TLE1: variants seen among roughly 807,000 people sequenced by gnomAD.
TLE1 encodes the protein TLE family member 1, transcriptional corepressor, also known as transducin-like enhancer protein 1.
Under a neutral mutation model 89.8 loss-of-function variants are expected in TLE1, and 21 were observed. The observed-to-expected ratio is 0.23, with a 90% CI of 0.17 to 0.34. TLE1 has a LOEUF of 0.34. Ranked by LOEUF, TLE1 falls within the 10% of genes least tolerant of loss-of-function variation. The probability of loss-of-function intolerance (pLI) is 1.00; values close to 1 mark genes in which losing one functional copy is unlikely to be tolerated. For missense variants in TLE1, 795 were observed against 1,031.2 expected (o/e 0.77, Z 3.14); for synonymous variants, 447 against 407.6 (o/e 1.10, Z -1.16).
intron 14 of TLE1, among the ~76,000 whole-genome samples, chr9:81,604,826 G>T (rs113585918): frequency 4.3e-4 from 65 of 152,200 alleles, no homozygotes; most frequent in African/African-American, 1.5e-3. Flanking sequence ...TGCCTCCCCG[G>T]TTCCATGGGA....
At chr9:81,600,141 G>C (rs1830723173) in intron 14 of TLE1, 3 of 727,382 alleles carry the variant, frequency 4.1e-6, no homozygotes, top group Non-Finnish European at 7.7e-6. Flanking sequence ...GATACAAATG[G>C]AGAAATTCTT....
In TLE1 at chr9:81,616,134, C is replaced by G; in HGVS notation, c.766G>C (p.Asp256His). Residue 256 changes from aspartate (D) to histidine (H), a missense_variant and splice_region_variant, in exon 11 of 20, where the codon GAC (aspartate) becomes CAC (histidine). Physicochemically the swap from Asp to His is moderately conservative, Grantham distance 81. This residue lies in a region of TLE1 where 468 missense variants were observed against 509.1 expected (regional missense o/e 0.92). Transcript: ENST00000376499. ...DNLVVDVSNE[D>H]PSSPRASPAH... ...GGGCTTGCTCGCGGAGAAGAAGGGT[C>G]CTCAACAAGCATAATCAAAAGTTTT... is the stretch of plus-strand genomic sequence containing the variant. 6.2e-7 allele frequency: 1 copy of G among 1,603,438 alleles called. No individual in the cohort carries two copies. The highest frequency in any genetic ancestry group is 8.5e-7 in the Non-Finnish European group (1 of 1,177,306).
In TLE1 at chr9:81,634,188, G is replaced by A. The variant is rs749721296; in HGVS notation, c.486C>T (p.Ala162=). ...GAGCACTAGACAGCGCAAGAAGGCC[G>A]GCACTGCCCCCGAGGGGCGGGATTC... ...PPGIPPLGGS[A]GLLALSSALS... is the part of the protein sequence containing the mutation. Residue 162 remains alanine, a synonymous_variant, in exon 7 of 20, where the codon GCC becomes GCT. Coordinates refer to ENST00000376499, the MANE Select transcript of TLE1 (RefSeq NM_005077.5). The A allele has an allele frequency of 1.0e-4, 161 of 1,593,856 alleles. No homozygotes were observed. The highest frequency in any genetic ancestry group is 2.5e-4 in the East Asian group (11 of 44,396).
At chr9:81,612,335 T>C (rs1823826198) in intron 12 of TLE1, 2 of 1,013,032 alleles carry the variant, frequency 2.0e-6, no homozygotes, top group African/African-American at 1.7e-5. Context: ...AAATCCAAGA[T>C]TTCTCTTTCA....
intron 4 of TLE1, 98 bp from the exon 5 acceptor site, chr9:81,654,134 G>A: frequency 9.1e-7 from 1 of 1,094,308 alleles, no homozygotes; most frequent in Non-Finnish European, 1.4e-6. Context: ...CCTCTCCCTT[G>A]CTCTGGAAAT....
intron 4 of TLE1, among the ~76,000 whole-genome samples, chr9:81,677,564 CAAAAA>C (rs60091510): frequency 3.5e-5 from 3 of 85,598 alleles, no homozygotes; most frequent in African/African-American, 1.5e-4. Flanking sequence ...GACTCCATCT[CAAAAA>C]AAAAAAAAAA....
rs772868976 is a variant in TLE1, at chr9:81,634,292, A to G, written c.382T>C (p.Leu128=). Reference sequence around the variant, plus strand: ...CCATGAGAAAGATGCTGAGCTTGCAACTGCTGCTGCTGTTGGTGGTGGTGG... The same window carrying G: ...CCATGAGAAAGATGCTGAGCTTGCAGCTGCTGCTGCTGTTGGTGGTGGTGG... ...ELNAIIGQQQ[L]QAQHLSHGHG... The change falls in exon 7 of 20, where the codon TTG becomes CTG. Residue 128 remains leucine, a synonymous_variant. Transcript: ENST00000376499. 5 of 1,528,898 alleles carry G rather than the reference A, an allele frequency of 3.3e-6. No individual in the cohort carries two copies. The highest frequency in any genetic ancestry group is 2.5e-5 in the South Asian group (2 of 80,968). The allele number at this position is 1,528,898 out of a possible 1,614,324, so 94.7% of individuals were successfully genotyped here.
At chr9:81,591,559 C>T (rs184163738) in intron 15 of TLE1, among the ~76,000 whole-genome samples, 85 of 152,236 alleles carry the variant, frequency 5.6e-4, no homozygotes, top group Non-Finnish European at 1.5e-4. Flanking sequence ...GGCCAAAGAA[C>T]CTGATAAAAG....
chr9:81,684,416 C>G (rs1160678729), intron 4 of TLE1, among the ~76,000 whole-genome samples: 1 of 152,182 alleles, frequency 6.6e-6, no homozygotes, highest in African/African-American at 2.4e-5. Flanking sequence ...AAATCACAAT[C>G]TCTTTCCAAA....
intron 4 of TLE1, among the ~76,000 whole-genome samples, chr9:81,681,917 C>G (rs1230935517): frequency 6.6e-6 from 1 of 152,078 alleles, no homozygotes; most frequent in Non-Finnish European, 1.5e-5. Context: ...CATGGTCCAC[C>G]TCATCTTCCT....
Position 81,605,563 on chromosome 9 carries a change from CATACGT to C in TLE1, c.1331+4651_1331+4656del, listed in dbSNP as rs1311683603. On this transcript the variant is annotated intron_variant, in intron 14 of 19. Transcript: ENST00000376499. ...ATACTAATTAATAGATATGGGCAGT[CATACGT>C]AGAAAGCTGAAACTGAATCCCTTCC... 2.0e-5 allele frequency among the ~76,000 whole-genome samples: 3 copies of C among 152,230 alleles called. No individual in the cohort carries two copies. In the East Asian group the frequency reaches 5.8e-4, roughly 29 times the overall value.
At chr9:81,612,788 T>C (rs779404754) in intron 12 of TLE1, among the ~76,000 whole-genome samples, 2 of 152,196 alleles carry the variant, frequency 1.3e-5, no homozygotes, top group Non-Finnish European at 2.9e-5. Flanking sequence ...CTGGGCAAGG[T>C]AGCTCACGCC....
chr9:81,611,981 A>AC lies in TLE1; in HGVS notation c.1064-23dup, dbSNP rs757319127. 4 of 1,423,968 alleles carry AC rather than the reference A, an allele frequency of 2.8e-6. No individual in the cohort carries two copies. In the African/African-American group the frequency reaches 4.5e-5, roughly 16 times the overall value. 88.2% of individuals were successfully genotyped at this position (1,423,968 alleles called of 1,614,324 possible). A position where few individuals can be genotyped will look rare whatever the true frequency, so the allele number is the denominator to read the frequency against. ...GCTGCTGAAAGGAAACACAAGCCGC[A>AC]CATCATTCAACTGACCCACTCCATC... is the stretch of plus-strand genomic sequence containing the variant. On this transcript the variant is annotated intron_variant, in intron 12 of 19. Coordinates refer to ENST00000376499, the MANE Select transcript of TLE1 (RefSeq NM_005077.5).
At chr9:81,659,339 CTG>C (rs1564040781) in intron 4 of TLE1, among the ~76,000 whole-genome samples, 1 of 152,218 alleles carries the variant, frequency 6.6e-6, no homozygotes, top group East Asian at 1.9e-4. Flanking sequence ...TGAGGGCTAA[CTG>C]TATTTCCCAC....
intron 6 of TLE1, among the ~76,000 whole-genome samples, chr9:81,641,797 C>T (rs1280786391): frequency 2.0e-5 from 3 of 152,054 alleles, no homozygotes; most frequent in East Asian, 3.9e-4. Context: ...CCGAGGTGGA[C>T]GGATCACCTG....
At chr9:81,592,879 A>AC in intron 15 of TLE1, 146 bp downstream of exon 15, 2 of 1,140,790 alleles carry the variant, frequency 1.8e-6, no homozygotes, top group African/African-American at 3.1e-5. Context: ...TTAAATGGGG[A>AC]GCCGAGGGGG....
intron 14 of TLE1, among the ~76,000 whole-genome samples, chr9:81,594,673 C>T (rs1829976574): frequency 6.6e-6 from 1 of 152,164 alleles, no homozygotes; most frequent in Non-Finnish European, 1.5e-5. Context: ...TTCCTCCTTC[C>T]CATTACCCTC....
At chr9:81,614,717 T>C (rs1403275840) in intron 11 of TLE1, among the ~76,000 whole-genome samples, 1 of 152,042 alleles carries the variant, frequency 6.6e-6, no homozygotes, top group Non-Finnish European at 1.5e-5. Flanking sequence ...CAAAGTTTGA[T>C]TGAATGAGTG....
At chr9:81,678,794 C>T (rs938426711) in intron 4 of TLE1, among the ~76,000 whole-genome samples, 1 of 151,472 alleles carries the variant, frequency 6.6e-6, no homozygotes. Flanking sequence ...GAGCCGAGAT[C>T]GAGCCACTGC....
Sources: gnomAD v4.1 joint callset for allele counts (sites outside exome capture counted in the v4.1 genomes callset) on GRCh38, gnomAD v4.1.1 for gene constraint, gnomAD v4.1.1 regional missense constraint, MANE v1.5 for transcripts, NCBI Gene and HGNC (gene_info 2026-07-23, HGNC 2026-07-21) for gene names.